The following NRG3 variants were observed in gnomAD, a reference collection of about 807,000 sequenced individuals.
The protein encoded by NRG3 is pro-neuregulin-3, membrane-bound isoform.
NRG3 carries 31 observed loss-of-function variants against 66.9 expected under a neutral mutation model. The ratio of observed to expected loss-of-function variants is 0.46; its 90% confidence interval spans 0.35 to 0.63. The LOEUF is 0.63. NRG3 is among the 20% of genes least tolerant of loss of function. The probability of loss-of-function intolerance (pLI) is 0.00; values close to 1 mark genes in which losing one functional copy is unlikely to be tolerated. For synonymous variants in NRG3, 393 were observed against 359.4 expected (o/e 1.09, Z -1.06); for missense variants, 910 against 878.9 (o/e 1.04, Z -0.45).
chr10:82,297,855 A>T (rs934074971), intron 1 of NRG3, among the ~76,000 whole-genome samples: 2 of 152,108 alleles, frequency 1.3e-5, no homozygotes, highest in Admixed American at 1.3e-4. Context: ...TTAAGAAAAA[A>T]TCTGGACCAG....
rs1314813765 is a variant in NRG3, at chr10:82,806,773, G to A, written c.1028-58638G>A. The stretch of plus-strand genomic sequence containing the variant: ...CAGTCTGATGGGGGTACTGGAATTA[G>A]TGCATAGTACTTAGGTAAGTCTCAT... On this transcript the variant is annotated intron_variant, in intron 3 of 8. Transcript: ENST00000372141. 2.0e-5 allele frequency among the ~76,000 whole-genome samples: 3 copies of A among 152,286 alleles called. No homozygotes were observed. The East Asian group carries it at 5.8e-4, about 29-fold the overall frequency.
chr10:82,277,310 T>TA (rs2078902707), intron 1 of NRG3, among the ~76,000 whole-genome samples: 1 of 152,098 alleles, frequency 6.6e-6, no homozygotes, highest in African/African-American at 2.4e-5. Flanking sequence ...AGCTTGCTGA[T>TA]ATGATTGTAA....
At chr10:82,495,806 G>A (rs1010750056) in intron 2 of NRG3, among the ~76,000 whole-genome samples, 1 of 76,480 alleles carries the variant, frequency 1.3e-5, no homozygotes, top group Non-Finnish European at 2.3e-5. Context: ...ATGTTTTAGA[G>A]TGCAGACACA....
intron 6 of NRG3, among the ~76,000 whole-genome samples, chr10:82,971,134 T>C (rs998104120): frequency 6.6e-6 from 1 of 152,082 alleles, no homozygotes; most frequent in African/African-American, 2.4e-5. Flanking sequence ...ATTAATAGAA[T>C]GAGAACTCAC....
chr10:82,501,260 A>G (rs1261112609), intron 2 of NRG3, among the ~76,000 whole-genome samples: 4 of 152,066 alleles, frequency 2.6e-5, no homozygotes, highest in East Asian at 1.9e-4. Flanking sequence ...GCTGCCATCT[A>G]TTGTCCACAC....
chr10:82,865,193 G>C (rs183828002), intron 3 of NRG3, among the ~76,000 whole-genome samples: 1 of 152,092 alleles, frequency 6.6e-6, no homozygotes, highest in Non-Finnish European at 1.5e-5. Context: ...CTAAGCTATA[G>C]CTCAGAGGCT....
chr10:82,498,635 A>G (rs1490999264), intron 2 of NRG3, among the ~76,000 whole-genome samples: 3 of 152,138 alleles, frequency 2.0e-5, no homozygotes, highest in African/African-American at 7.2e-5. Flanking sequence ...CTGAGAAGAA[A>G]AGGACATGAG....
chr10:82,788,010 T>A (rs1206972935), intron 3 of NRG3, among the ~76,000 whole-genome samples: 1 of 152,226 alleles, frequency 6.6e-6, no homozygotes, highest in East Asian at 1.9e-4. Context: ...GAAATTCCTT[T>A]ATGAGTTTTA....
chr10:82,425,254 TA>T (rs1363071964), intron 2 of NRG3, among the ~76,000 whole-genome samples: 3 of 152,166 alleles, frequency 2.0e-5, no homozygotes, highest in Non-Finnish European at 2.9e-5. Flanking sequence ...ATAACAATAT[TA>T]AGTCTTCTGA....
rs1303895752 is a variant in NRG3 at position 82,430,209 on chromosome 10, CACAT to C, written c.953+71343_953+71346del. Among the ~76,000 whole-genome samples the C allele has an allele frequency of 2.6e-5, 4 of 152,108 alleles. No homozygotes were observed. The East Asian group carries it at 7.7e-4, about 29-fold the overall frequency. ...AAACAATTTTAGTTGACTATTTTTC[CACAT>C]ATGTTTAGGCCATACTTTCTTGTCT... On this transcript the variant is annotated intron_variant, in intron 2 of 8. Coordinates refer to ENST00000372141, the MANE Select transcript of NRG3 (RefSeq NM_001010848.4).
intron 1 of NRG3, among the ~76,000 whole-genome samples, chr10:82,004,901 G>A (rs1402056996): frequency 6.6e-6 from 1 of 152,204 alleles, no homozygotes; most frequent in Non-Finnish European, 1.5e-5. Flanking sequence ...CTCCAACATT[G>A]TTGAGAAAAT....
intron 2 of NRG3, among the ~76,000 whole-genome samples, chr10:82,587,867 C>T (rs1328911044): frequency 2.6e-5 from 4 of 152,042 alleles, no homozygotes; most frequent in Admixed American, 6.6e-5. Context: ...TGTAAATAGT[C>T]GATGTGATGA....
chr10:81,895,393 A>G (rs570322659), intron 1 of NRG3, among the ~76,000 whole-genome samples: 3 of 152,174 alleles, frequency 2.0e-5, no homozygotes, highest in Non-Finnish European at 4.4e-5. Flanking sequence ...CAGATTATTG[A>G]TCCCAATACT....
intron 4 of NRG3, among the ~76,000 whole-genome samples, chr10:82,883,247 T>G (rs1235607686): frequency 6.9e-6 from 1 of 145,478 alleles, no homozygotes; most frequent in African/African-American, 2.7e-5. Flanking sequence ...GGTCTTTTTT[T>G]GCAACAATTG....
intron 1 of NRG3, among the ~76,000 whole-genome samples, chr10:82,205,274 C>T (rs2075058480): frequency 6.6e-6 from 1 of 152,116 alleles, no homozygotes; most frequent in African/African-American, 2.4e-5. Flanking sequence ...TCACATAGAC[C>T]AGTACTACAG....
chr10:82,813,084 A>G (rs1591601543), intron 3 of NRG3, among the ~76,000 whole-genome samples: 1 of 152,124 alleles, frequency 6.6e-6, no homozygotes, highest in African/African-American at 2.4e-5. Context: ...ACCTGTGCTC[A>G]TATCACTCAT....
At chr10:82,758,620 G>A (rs1458849673) in intron 3 of NRG3, among the ~76,000 whole-genome samples, 2 of 152,022 alleles carry the variant, frequency 1.3e-5, no homozygotes, top group Admixed American at 6.6e-5. Flanking sequence ...GAAATCTAGT[G>A]ACTATAGATT....
At chr10:82,074,037 AGATACAGCAGCATAGCATCAAATAGT>A (rs1199405434) in intron 1 of NRG3, among the ~76,000 whole-genome samples, 1 of 151,996 alleles carries the variant, frequency 6.6e-6, no homozygotes, top group East Asian at 1.9e-4. Context: ...ATGAAAAGAG[AGATACAGCAGCATAGCATCAAATAGT>A]GATGAGTTCT....
At chr10:82,827,065 C>T (rs989687808) in intron 3 of NRG3, 4 of 304,894 alleles carry the variant, frequency 1.3e-5, no homozygotes, top group Non-Finnish European at 2.6e-5. Flanking sequence ...GAGTTTTACA[C>T]TTTTCATTTC....
Sources: allele counts gnomAD v4.1 joint callset (sites outside exome capture counted in the v4.1 genomes callset), GRCh38; gene constraint gnomAD v4.1.1; transcripts MANE v1.5; gene names NCBI Gene and HGNC (gene_info 2026-07-23, HGNC 2026-07-21).